Variants in RGS5 observed in about 807,000 individuals in gnomAD.
RGS5 encodes regulator of G-protein signalling 5.
A neutral mutation model predicts 18.9 loss-of-function variants in RGS5; 20 were observed. That is an observed-to-expected ratio of 1.06 (90% CI 0.74 to 1.54). RGS5 has a LOEUF of 1.54. Ranked by LOEUF, RGS5 falls within the 40% of genes most tolerant of loss-of-function variation. The pLI, the probability that RGS5 is intolerant of heterozygous loss-of-function variation, is 0.00. For missense variants in RGS5, 201 were observed against 211.8 expected, an observed-to-expected ratio of 0.95 and a Z score of 0.32; for synonymous variants, 57 against 76.2, an observed-to-expected ratio of 0.75 and a Z score of 1.31.
In RGS5 at chr1:163,265,354, C is replaced by A. The variant is rs78120509; in HGVS notation, c.-281+40879G>T. ...ATCCCCACTATTTTCATTTCTATAT[C>A]AAAGGAAGAGGTTTCTCTTTTTACT... On this transcript the variant is annotated intron_variant, in intron 2 of 5. Transcript: ENST00000618415. Among the ~76,000 whole-genome samples, 1,652 of 152,072 alleles carry A rather than the reference C, an allele frequency of 0.011. 130 individuals are homozygous for A. In the East Asian group the frequency reaches 0.21, roughly 19 times the overall value.
In RGS5 at chr1:163,147,500, T is replaced by G; in HGVS notation, c.388A>C (p.Asn130His). ...FIQTEAPKEV[N>H]IDHFTKDITM... The stretch of plus-strand genomic sequence containing the variant: ...ATGTCCTTAGTGAAGTGGTCAATAT[T>G]CACCTGTGGGCCAGGAAACAGGGTC... The change falls in exon 5 of 5, where the codon AAT (asparagine) becomes CAT (histidine). Residue 130 changes from asparagine to histidine, a missense_variant. Coordinates refer to ENST00000313961, the MANE Select transcript of RGS5 (RefSeq NM_003617.4). 2 of 1,583,000 alleles carry G rather than the reference T, an allele frequency of 1.3e-6. No homozygotes were observed.
intron 2 of RGS5, among the ~76,000 whole-genome samples, chr1:163,234,208 T>C (rs1323394547): frequency 2.0e-5 from 3 of 152,242 alleles, no homozygotes; most frequent in East Asian, 3.8e-4. Context: ...TTTATAGATG[T>C]TCTTTACCAG....
intron 1 of RGS5, among the ~76,000 whole-genome samples, chr1:163,318,598 C>G (rs1268193483): frequency 6.6e-6 from 1 of 151,984 alleles, no homozygotes; most frequent in Non-Finnish European, 1.5e-5. Context: ...AATGAGTGGA[C>G]AGTGCTCACA....
rs1329682604 is a variant in RGS5, at chr1:163,146,239, AC to A, written c.*1102del. 1 of 141,924 alleles carries A rather than the reference AC, an allele frequency of 7.0e-6. No homozygotes were observed. Among genetic ancestry groups the A allele is most frequent in the African/African-American group, 2.9e-5 (1 of 34,458 alleles). The allele number at this position is 141,924 out of a possible 1,614,324, so 8.8% of individuals were successfully genotyped here. On this transcript the variant is annotated 3_prime_UTR_variant, in exon 5 of 5. Coordinates refer to ENST00000313961, the MANE Select transcript of RGS5 (RefSeq NM_003617.4). ...GGAATACTGGGGTTGCTAAAAGATT[AC>A]TTTTTTTTTTTTTTTTTGCAAAATG...
intron 2 of RGS5, among the ~76,000 whole-genome samples, chr1:163,250,379 A>G (rs559268854): frequency 4.9e-4 from 74 of 152,356 alleles, no homozygotes; most frequent in African/African-American, 1.6e-3. Context: ...CTTGAACCCA[A>G]TTATGAATAT....
In RGS5 at chr1:163,161,750, A is replaced by T. The variant is rs1657806041; in HGVS notation, c.217+165T>A. 1.1e-5 allele frequency: 6 copies of T among 553,838 alleles called. No individual in the cohort carries two copies. The South Asian group carries it at 1.2e-4, about 11-fold the overall frequency. The allele number at this position is 553,838 out of a possible 1,614,324, so 34.3% of individuals were successfully genotyped here. Reference sequence around the variant, plus strand: ...TGCCACAGACCCTCCTTTTCTTGTGAACTGGATAATCACATACCTGCAGCC... The same window carrying T: ...TGCCACAGACCCTCCTTTTCTTGTGTACTGGATAATCACATACCTGCAGCC... On this transcript the variant is annotated intron_variant, in intron 3 of 4. Transcript: ENST00000313961.
chr1:163,264,525 A>G (rs1427062146), intron 2 of RGS5, among the ~76,000 whole-genome samples: 1 of 152,076 alleles, frequency 6.6e-6, no homozygotes, highest in Non-Finnish European at 1.5e-5. Flanking sequence ...GTGTGACTCA[A>G]TTTTTATTTC....
upstream of RGS5, among the ~76,000 whole-genome samples, chr1:163,218,881 A>G (rs2101676623): frequency 6.6e-6 from 1 of 152,318 alleles, no homozygotes; most frequent in South Asian, 2.1e-4. Flanking sequence ...TGAAGATATA[A>G]CTTGGAAACA....
chr1:163,217,034 G>A (rs6660062), intron 1 of RGS5, among the ~76,000 whole-genome samples: 20,351 of 152,046 alleles, frequency 0.13, 1,444 homozygotes, highest in Non-Finnish European at 0.15. Flanking sequence ...GATAAATGAT[G>A]AGAATGCATG....
At chr1:163,227,814 G>A (rs1249239132) in intron 2 of RGS5, among the ~76,000 whole-genome samples, 3 of 152,170 alleles carry the variant, frequency 2.0e-5, no homozygotes, top group African/African-American at 7.2e-5. Flanking sequence ...CACTCCAAAT[G>A]GGAGAAATAG....
intron 2 of RGS5, among the ~76,000 whole-genome samples, chr1:163,300,968 G>C (rs1032936846): frequency 2.6e-5 from 4 of 152,182 alleles, no homozygotes; most frequent in African/African-American, 4.8e-5. Flanking sequence ...GCAGGCTACA[G>C]GCCTGGTATG....
intron 1 of RGS5, among the ~76,000 whole-genome samples, chr1:163,178,094 G>A (rs1650561265): frequency 6.6e-6 from 1 of 152,102 alleles, no homozygotes; most frequent in Non-Finnish European, 1.5e-5. Flanking sequence ...CCTGAGGTCA[G>A]GAATTCAAGA....
chr1:163,215,600 A>T, intron 1 of RGS5, among the ~76,000 whole-genome samples: 1 of 152,216 alleles, frequency 6.6e-6, no homozygotes, highest in East Asian at 1.9e-4. Context: ...TAGTACCTTT[A>T]CCCAAGACGG....
At chr1:163,178,105 C>G in intron 1 of RGS5, among the ~76,000 whole-genome samples, 1 of 152,072 alleles carries the variant, frequency 6.6e-6, no homozygotes, top group East Asian at 1.9e-4. Context: ...GAATTCAAGA[C>G]CAGCCTAGAC....
intron 1 of RGS5, among the ~76,000 whole-genome samples, chr1:163,317,470 T>G (rs1315935115): frequency 6.6e-6 from 1 of 152,224 alleles, no homozygotes; most frequent in Non-Finnish European, 1.5e-5. Context: ...ACACTGGCAA[T>G]GCCCCAGTAT....
intron 2 of RGS5, 91 bp downstream of exon 2, chr1:163,168,167 G>A (rs775567160): frequency 5.6e-6 from 5 of 893,604 alleles, no homozygotes; most frequent in South Asian, 4.8e-5. Flanking sequence ...GTAATTGAAG[G>A]GGGTAGTTCT....
chr1:163,297,792 A>G (rs1264111006), intron 2 of RGS5, among the ~76,000 whole-genome samples: 1 of 152,200 alleles, frequency 6.6e-6, no homozygotes, highest in Non-Finnish European at 1.5e-5. Context: ...CAAGAACAAG[A>G]AACAAAATGA....
intron 1 of RGS5, among the ~76,000 whole-genome samples, chr1:163,199,299 T>C (rs951848425): frequency 2.6e-5 from 4 of 152,162 alleles, no homozygotes; most frequent in Non-Finnish European, 5.9e-5. Flanking sequence ...ATGCGAGTCC[T>C]ACTTAAAATT....
At chr1:163,162,007 AT>A in intron 2 of RGS5, 31 bp from the exon 3 acceptor site, 1 of 1,544,714 alleles carries the variant, frequency 6.5e-7, no homozygotes, top group Non-Finnish European at 9.0e-7. Context: ...GAAAAGGGGT[AT>A]GGCGTAAGTA....
Sources: gnomAD v4.1 joint callset for allele counts (sites outside exome capture counted in the v4.1 genomes callset) on GRCh38, gnomAD v4.1.1 for gene constraint, MANE v1.5 for transcripts, NCBI Gene and HGNC (gene_info 2026-07-23, HGNC 2026-07-21) for gene names.